ST6GAL1: variants seen among roughly 807,000 people sequenced by gnomAD.
ST6GAL1 encodes ST6 beta-galactoside alpha-2,6-sialyltransferase 1, also known as beta-galactoside alpha-2,6-sialyltransferase 1.
ST6GAL1 carries 20 observed loss-of-function variants against 38.0 expected under a neutral mutation model. The observed-to-expected ratio is 0.53, with a 90% confidence interval of 0.37 to 0.77. The LOEUF is 0.77. Among genes scored for constraint, ST6GAL1 ranks in the 30% least tolerant of loss-of-function variants. The probability of loss-of-function intolerance (pLI) is 0.00; values close to 1 mark genes in which losing one functional copy is unlikely to be tolerated. For synonymous variants in ST6GAL1, 196 were observed against 188.2 expected (o/e 1.04, Z -0.34); for missense variants, 432 against 496.4 (o/e 0.87, Z 1.23).
chr3:187,065,811 T>C (rs1560183047), intron 5 of ST6GAL1, among the ~76,000 whole-genome samples: 1 of 152,180 alleles, frequency 6.6e-6, no homozygotes, highest in African/African-American at 2.4e-5. Context: ...GTTAAATATA[T>C]TATATATACC....
At position 186,939,496 on chromosome 3, in the gene ST6GAL1, A is replaced by G. The variant is rs149306914; in HGVS notation, c.-325+8662A>G. On this transcript the variant is annotated intron_variant, in intron 1 of 7. Coordinates refer to ENST00000169298, the MANE Select transcript of ST6GAL1 (RefSeq NM_173216.2). ...AAACCTGATTTCAAATAAGGGCCCCACCCCTTAATGGATTTATGCTTTTAG... is the reference window on the plus strand; with the variant it reads ...AAACCTGATTTCAAATAAGGGCCCCGCCCCTTAATGGATTTATGCTTTTAG... Among the ~76,000 whole-genome samples, 447 of 152,252 alleles carry G rather than the reference A, an allele frequency of 2.9e-3. 6 individuals are homozygous for G. Among genetic ancestry groups the G allele is most frequent in the East Asian group, 0.019 (98 of 5,174 alleles).
At chr3:187,000,742 C>A (rs1050507647) in intron 2 of ST6GAL1, among the ~76,000 whole-genome samples, 1 of 152,152 alleles carries the variant, frequency 6.6e-6, no homozygotes, top group Non-Finnish European at 1.5e-5. Flanking sequence ...ACAGTAGGCA[C>A]CCACACATTT....
At position 187,052,210 on chromosome 3, in the gene ST6GAL1, C is replaced by T. The variant is rs61216981; in HGVS notation, c.705+864C>T. On this transcript the variant is annotated intron_variant, in intron 5 of 7. Transcript: ENST00000169298. The stretch of plus-strand genomic sequence containing the variant: ...CTCCACTTCCCTATATCTGTCTCTT[C>T]ACTTCCTTACTTTCAGGAACTCACC... Among the ~76,000 whole-genome samples the T allele has an allele frequency of 2.3e-3, 343 of 152,280 alleles. 2 individuals are homozygous for T. Among genetic ancestry groups the T allele is most frequent in the African/African-American group, 8.0e-3 (333 of 41,538 alleles).
At chr3:186,988,148 C>A (rs1307439333) in intron 2 of ST6GAL1, among the ~76,000 whole-genome samples, 2 of 152,170 alleles carry the variant, frequency 1.3e-5, no homozygotes, top group Non-Finnish European at 2.9e-5. Context: ...TGGTAATTAA[C>A]TTAAAACTCT....
intron 3 of ST6GAL1, among the ~76,000 whole-genome samples, chr3:187,041,625 A>G (rs765100127): frequency 6.6e-6 from 1 of 152,226 alleles, no homozygotes; most frequent in Non-Finnish European, 1.5e-5. Context: ...TGGAAAGGAC[A>G]TGGGTTATGG....
intron 2 of ST6GAL1, among the ~76,000 whole-genome samples, chr3:187,008,310 AG>A (rs1277518075): frequency 6.6e-6 from 1 of 151,976 alleles, no homozygotes; most frequent in East Asian, 1.9e-4. Flanking sequence ...AGAAAAGGGA[AG>A]GAAGAAAAGA....
At chr3:186,963,552 G>A (rs1715000167) in intron 1 of ST6GAL1, among the ~76,000 whole-genome samples, 1 of 152,170 alleles carries the variant, frequency 6.6e-6, no homozygotes, top group Non-Finnish European at 1.5e-5. Context: ...AGTAGCACAA[G>A]GATTCCACGA....
At chr3:186,934,980 T>C (rs1713894933) in intron 1 of ST6GAL1, among the ~76,000 whole-genome samples, 2 of 152,092 alleles carry the variant, frequency 1.3e-5, no homozygotes, top group Non-Finnish European at 2.9e-5. Context: ...TTAGCCAGGA[T>C]GGTCTCGATC....
chr3:186,931,077 G>A (rs1001882254), intron 1 of ST6GAL1: 1 of 152,006 alleles, frequency 6.6e-6, no homozygotes, highest in South Asian at 2.1e-4. Flanking sequence ...CCGCGAGCCT[G>A]CGGATCCACA....
At chr3:187,038,014 T>C (rs1717989102) in intron 2 of ST6GAL1, among the ~76,000 whole-genome samples, 3 of 151,994 alleles carry the variant, frequency 2.0e-5, no homozygotes, top group Non-Finnish European at 2.9e-5. Flanking sequence ...CTTTCACATA[T>C]TATTAAATAT....
intron 5 of ST6GAL1, chr3:187,072,062 C>T (rs1202870146): frequency 6.6e-6 from 1 of 152,138 alleles, no homozygotes; most frequent in East Asian, 1.9e-4. Context: ...GCTCTTAATA[C>T]ATTTTGCAGA....
chr3:187,048,686 C>T (rs1718393863), intron 4 of ST6GAL1, among the ~76,000 whole-genome samples: 3 of 152,218 alleles, frequency 2.0e-5, no homozygotes, highest in South Asian at 2.1e-4. Flanking sequence ...CGTCGTCTCC[C>T]GTGTCTAAAA....
chr3:186,980,102 A>T (rs1407013853), intron 2 of ST6GAL1, among the ~76,000 whole-genome samples: 1 of 152,224 alleles, frequency 6.6e-6, no homozygotes, highest in East Asian at 1.9e-4. Flanking sequence ...ATGGAATCAG[A>T]TCATGGATCC....
At chr3:187,046,080 G>A (rs1182290085) in intron 4 of ST6GAL1, among the ~76,000 whole-genome samples, 1 of 152,248 alleles carries the variant, frequency 6.6e-6, no homozygotes, top group Admixed American at 6.5e-5. Context: ...TTCTCTATGA[G>A]TCCCTGTTTT....
chr3:186,970,591 CCT>C (rs76757974), intron 2 of ST6GAL1, among the ~76,000 whole-genome samples: 14,378 of 151,948 alleles, frequency 0.095, 761 homozygotes, highest in East Asian at 0.21. Context: ...CCTGCCCCCA[CCT>C]CTGTTTTTCA....
chr3:186,945,200 T>G (rs1218341031), intron 1 of ST6GAL1, among the ~76,000 whole-genome samples: 1 of 151,986 alleles, frequency 6.6e-6, no homozygotes, highest in Non-Finnish European at 1.5e-5. Context: ...CCTAGCTACT[T>G]GGAAGACTGA....
Position 187,042,694 on chromosome 3 carries a change from C to T in ST6GAL1, c.-10C>T. On this transcript the variant is annotated 5_prime_UTR_variant, in exon 4 of 8. Transcript: ENST00000169298. ...CAGAACAAAGTGACTTCCCTGAACA[C>T]ATCTTCATTATGATTCACACCAACC... 6.3e-7 allele frequency: 1 copy of T among 1,597,626 alleles called. No individual in the cohort carries two copies. Among genetic ancestry groups the T allele is most frequent in the Non-Finnish European group, 8.5e-7 (1 of 1,172,984 alleles).
chr3:187,042,919 C>A lies in ST6GAL1; in HGVS notation c.216C>A (p.His72Gln), dbSNP rs774730961. The A allele has an allele frequency of 1.5e-5, 25 of 1,614,100 alleles. No individual in the cohort carries two copies. The highest frequency in any genetic ancestry group is 1.9e-5 in the Non-Finnish European group (23 of 1,180,048). ...CCTCAAGCAGCACCCAGGACCCCCACAGGGGCCGCCAGACCCTCGGCAGTC... is the reference window on the plus strand; with the variant it reads ...CCTCAAGCAGCACCCAGGACCCCCAAAGGGGCCGCCAGACCCTCGGCAGTC... ...SVSSSSTQDPHRGRQTLGSLR... is the reference protein window; with the variant it reads ...SVSSSSTQDPQRGRQTLGSLR... The change falls in exon 4 of 8, where the codon CAC becomes CAA. Residue 72 changes from histidine to glutamine, a missense_variant. Physicochemically the swap from His to Gln is conservative, Grantham distance 24 (BLOSUM62 0). Coordinates refer to ENST00000169298, the MANE Select transcript of ST6GAL1 (RefSeq NM_173216.2).
At chr3:186,960,969 CTTTTT>C (rs531371070) in intron 1 of ST6GAL1, among the ~76,000 whole-genome samples, 4 of 124,748 alleles carry the variant, frequency 3.2e-5, no homozygotes, top group Non-Finnish European at 6.9e-5. Flanking sequence ...ATCATTTGAT[CTTTTT>C]TTTTTTTTTT....
Sources: gnomAD v4.1 joint callset for allele counts (sites outside exome capture counted in the v4.1 genomes callset) on GRCh38, gnomAD v4.1.1 for gene constraint, MANE v1.5 for transcripts, NCBI Gene and HGNC (gene_info 2026-07-23, HGNC 2026-07-21) for gene names.